The following DICER1 variants were observed in gnomAD, a reference collection of about 807,000 sequenced individuals.
DICER1 encodes endoribonuclease Dicer.
DICER1 carries 43 observed loss-of-function variants against 194.1 expected under a neutral mutation model. That is an observed-to-expected ratio of 0.22 (90% CI 0.17 to 0.29). The LOEUF (loss-of-function observed/expected upper bound fraction) is 0.29, where lower values mean the gene tolerates loss of function less well. Among genes scored for constraint, DICER1 ranks in the 10% least tolerant of loss-of-function variants. The pLI is 1.00. For missense variants in DICER1, 1,608 were observed against 2,317.0 expected (o/e 0.69, Z 6.28); for synonymous variants, 832 against 820.5 (o/e 1.01, Z -0.24).
chr14:95,126,836 AGGGAATAGATACT>A (rs368173709), intron 6 of DICER1, 88 bp from the exon 7 acceptor site: 9 of 679,492 alleles, frequency 1.3e-5, no homozygotes, highest in Non-Finnish European at 2.2e-5. Flanking sequence ...AAAAAAAAAA[AGGGAATAGATACT>A]AAAAAAAAAA....
intron 11 of DICER1, among the ~76,000 whole-genome samples, chr14:95,113,439 A>G (rs1892161785): frequency 6.6e-6 from 1 of 152,268 alleles, no homozygotes; most frequent in Non-Finnish European, 1.5e-5. Flanking sequence ...GATGCCCAAC[A>G]GGGCAGTGGC....
intron 1 of DICER1, among the ~76,000 whole-genome samples, chr14:95,153,967 T>C (rs999669831): frequency 6.6e-6 from 1 of 152,196 alleles, no homozygotes; most frequent in East Asian, 1.9e-4. Flanking sequence ...AGAGCGAGTA[T>C]AATACATACA....
chr14:95,114,495 T>C (rs1033987334), intron 11 of DICER1, among the ~76,000 whole-genome samples: 1 of 152,080 alleles, frequency 6.6e-6, no homozygotes, highest in Non-Finnish European at 1.5e-5. Flanking sequence ...TGCCAACTAA[T>C]AAATACAGAA....
chr14:95,115,820 A>T lies in DICER1; in HGVS notation c.1754T>A (p.Ile585Asn). 1 of 1,614,100 alleles carries T rather than the reference A, an allele frequency of 6.2e-7. No individual in the cohort carries two copies. Among genetic ancestry groups the T allele is most frequent in the South Asian group, 1.1e-5 (1 of 91,076 alleles). The change falls in exon 11 of 27, where the codon ATC becomes AAC. Residue 585 changes from isoleucine (I) to asparagine (N), a missense_variant and splice_region_variant. Coordinates refer to ENST00000343455, the MANE Select transcript of DICER1 (RefSeq NM_177438.3). ...DLKTYKAIEK[I>N]LRNKCSKSVD... ...CGACTTGGAACACTTGTTTCTCAAGATCTGAACATTTAAAAAACAGAACTT... is the reference window on the plus strand; with the variant it reads ...CGACTTGGAACACTTGTTTCTCAAGTTCTGAACATTTAAAAAACAGAACTT...
At chr14:95,149,937 A>G (rs1281386246) in intron 1 of DICER1, among the ~76,000 whole-genome samples, 1 of 152,256 alleles carries the variant, frequency 6.6e-6, no homozygotes, top group African/African-American at 2.4e-5. Flanking sequence ...GAGGCTAACT[A>G]GAAACTGTCA....
At position 95,090,675 on chromosome 14, in the gene DICER1, C is replaced by T. The variant is rs149841885; in HGVS notation, c.5604-12G>A. The T allele has an allele frequency of 2.1e-4, 333 of 1,614,048 alleles. No individual in the cohort carries two copies. In the African/African-American group the frequency reaches 3.7e-3, roughly 18 times the overall value. On this transcript the variant is annotated splice_polypyrimidine_tract_variant and intron_variant, in intron 26 of 26. Transcript: ENST00000343455. ...TTCTCTCAGCCGGGCTGTAAAAAAT[C>T]CAAACAGCTTGAATTAGAAGTCAGA...
intron 1 of DICER1, among the ~76,000 whole-genome samples, chr14:95,147,827 G>A (rs1040438720): frequency 1.4e-4 from 22 of 152,116 alleles, no homozygotes; most frequent in African/African-American, 4.6e-4. Context: ...TTCCCACAAC[G>A]CCCTCCTGGG....
chr14:95,131,783 C>G (rs1188363627), intron 3 of DICER1, 144 bp from the exon 4 acceptor site: 2 of 830,198 alleles, frequency 2.4e-6, no homozygotes, highest in African/African-American at 3.4e-5. Context: ...TCTTTAAAAC[C>G]ACAGTTCCAA....
At chr14:95,095,727 C>T (rs1890243834) in intron 23 of DICER1, 98 bp downstream of exon 23, 1 of 1,280,754 alleles carries the variant, frequency 7.8e-7, no homozygotes, top group Non-Finnish European at 1.1e-6. Flanking sequence ...TAAGCATGAA[C>T]ACTGTACATG....
intron 21 of DICER1, 41 bp from the exon 22 acceptor site, chr14:95,099,976 A>G (rs1362280475): frequency 6.2e-7 from 1 of 1,609,778 alleles, no homozygotes; most frequent in Admixed American, 1.7e-5. Context: ...ATAAATGATC[A>G]CTGCTGGAAT....
In DICER1 at chr14:95,090,487, A is replaced by G; in HGVS notation, c.*11T>C. ...TGTTTTGTTTCTTGTTTTGAATTTT[A>G]AAAAGCGGTTTCAGCTATTGGGAAC... On this transcript the variant is annotated 3_prime_UTR_variant, in exon 27 of 27. Transcript: ENST00000343455. 6.2e-7 allele frequency: 1 copy of G among 1,613,190 alleles called. No homozygotes were observed. The highest frequency in any genetic ancestry group is 8.5e-7 in the Non-Finnish European group (1 of 1,179,898).
In DICER1 at chr14:95,113,073, T is replaced by C. The variant is rs780860151; in HGVS notation, c.2040+19A>G. On this transcript the variant is annotated intron_variant, in intron 12 of 26. Coordinates refer to ENST00000343455, the MANE Select transcript of DICER1 (RefSeq NM_177438.3). ...GACACATTTTAAAAGATAACAATCA[T>C]TTCTTCTTCTAAACTTACAACAATG... 3.7e-6 allele frequency: 6 copies of C among 1,612,036 alleles called. No individual in the cohort carries two copies. The highest frequency in any genetic ancestry group is 5.1e-6 in the Non-Finnish European group (6 of 1,178,182).
rs1595364540 is a variant in DICER1, at chr14:95,103,562, C to T, written c.3834G>A (p.Glu1278=). 6.2e-7 allele frequency: 1 copy of T among 1,614,202 alleles called. No individual in the cohort carries two copies. The change falls in exon 21 of 27, where the codon GAG becomes GAA. Residue 1278 remains glutamate, a synonymous_variant. Transcript: ENST00000343455. ...IQVLKGRMDS[E]QSPSIGYSSR... The stretch of plus-strand genomic sequence containing the variant: ...AGGAGTACCCAATAGAAGGGCTCTG[C>T]TCAGAATCCATCCTGCCCTTGAGCA...
At chr14:95,149,857 T>A (rs1895399096) in intron 1 of DICER1, among the ~76,000 whole-genome samples, 1 of 152,236 alleles carries the variant, frequency 6.6e-6, no homozygotes, top group South Asian at 2.1e-4. Context: ...TAAAAGACTT[T>A]AAACAACCCA....
Position 95,124,618 on chromosome 14 carries a change from T to C in DICER1, c.954A>G (p.Ala318=), listed in dbSNP as rs1245068773. The part of the protein sequence containing the change: ...AVLVVLGPWC[A]DKVAGMMVRE... ...TTACCATCATTCCAGCTACTTTATC[T>C]GCACACCAGGGTCCCAGAACTACCA... Residue 318 remains alanine (A), a synonymous_variant, in exon 8 of 27, where the codon GCA becomes GCG. Coordinates refer to ENST00000343455, the MANE Select transcript of DICER1 (RefSeq NM_177438.3). The surrounding 1 kb of genome is among the most constrained non-coding windows in gnomAD (Gnocchi z 4.5). 3 of 1,613,626 alleles carry C rather than the reference T, an allele frequency of 1.9e-6. No homozygotes were observed. The highest frequency in any genetic ancestry group is 3.3e-5 in the Admixed American group (2 of 60,006).
intron 23 of DICER1, 87 bp from the exon 24 acceptor site, chr14:95,094,243 G>T: frequency 2.7e-6 from 4 of 1,491,264 alleles, no homozygotes; most frequent in Non-Finnish European, 3.7e-6. Context: ...ATCCGAAGAA[G>T]ATTTGTATTT....
chr14:95,117,176 C>T (rs1483766637), intron 9 of DICER1, among the ~76,000 whole-genome samples: 5 of 150,670 alleles, frequency 3.3e-5, no homozygotes, highest in Non-Finnish European at 7.4e-5. Context: ...AATATTTAAG[C>T]TAAAATCTAT....
intron 1 of DICER1, among the ~76,000 whole-genome samples, chr14:95,144,932 A>G (rs1895038096): frequency 6.6e-6 from 1 of 152,218 alleles, no homozygotes; most frequent in Admixed American, 6.5e-5. Flanking sequence ...ACCAAGATGA[A>G]TCTGCATAAA....
rs764747360 is a variant in DICER1, at chr14:95,090,505, T to C, written c.5762A>G (p.Asn1921Ser). 53 of 1,613,816 alleles carry C rather than the reference T, an allele frequency of 3.3e-5. No homozygotes were observed. The highest frequency in any genetic ancestry group is 2.5e-4 in the Admixed American group (15 of 60,004). ...SLKANQPQVP[N>S]S ...GAATTTTAAAAAGCGGTTTCAGCTA[T>C]TGGGAACCTGAGGTTGATTAGCTTT... The change falls in exon 27 of 27, where the codon AAT (asparagine) becomes AGT (serine). Residue 1921 changes from asparagine to serine, a missense_variant. Around this residue, in one of 10 missense-constraint regions of DICER1, gnomAD observed 138 missense variants for 298.3 expected, o/e 0.46. Transcript: ENST00000343455.
Sources: allele counts gnomAD v4.1 joint callset (sites outside exome capture counted in the v4.1 genomes callset), GRCh38; gene constraint gnomAD v4.1.1; regional missense constraint gnomAD v4.1.1; non-coding constraint Gnocchi (gnomAD v3.1); transcripts MANE v1.5; gene names NCBI Gene and HGNC (gene_info 2026-07-23, HGNC 2026-07-21).